The following CBFA2T3 variants were observed in gnomAD, a reference collection of about 807,000 sequenced individuals.
CBFA2T3 encodes transcriptional corepressor CBFA2T3.
In CBFA2T3, 31 loss-of-function variants were observed where a neutral mutation model predicts 58.6. The ratio of observed to expected loss-of-function variants is 0.53; its 90% CI spans 0.40 to 0.71. CBFA2T3 has a LOEUF of 0.71. Among genes scored for constraint, CBFA2T3 ranks in the 30% least tolerant of loss-of-function variants. CBFA2T3 has a pLI of 0.00. For missense variants in CBFA2T3, 1,076 were observed against 963.1 expected (o/e 1.12, Z -1.55); for synonymous variants, 531 against 421.9 (o/e 1.26, Z -3.17).
At chr16:88,930,213 G>A (rs1261494433) in intron 1 of CBFA2T3, among the ~76,000 whole-genome samples, 1 of 148,566 alleles carries the variant, frequency 6.7e-6, no homozygotes, top group Non-Finnish European at 1.5e-5. Flanking sequence ...CCACGCAAAA[G>A]TCACCAATAC....
intron 3 of CBFA2T3, among the ~76,000 whole-genome samples, chr16:88,893,670 TG>T (rs1475613983): frequency 6.6e-6 from 1 of 152,208 alleles, no homozygotes; most frequent in African/African-American, 2.4e-5. Context: ...GGCCGCCTGT[TG>T]GCCACTGAGA....
At chr16:88,910,814 G>C (rs1408450170) in intron 1 of CBFA2T3, among the ~76,000 whole-genome samples, 1 of 152,188 alleles carries the variant, frequency 6.6e-6, no homozygotes, top group African/African-American at 2.4e-5. Flanking sequence ...CTTCTTGGCA[G>C]GCTCTAGGAC....
rs563649076 is a variant in CBFA2T3 at position 88,906,083 on chromosome 16, C to T, written c.152-4427G>A. Among the ~76,000 whole-genome samples the T allele has an allele frequency of 3.6e-3, 552 of 152,188 alleles. 1 individual carries two copies. Among genetic ancestry groups the T allele is most frequent in the African/African-American group, 0.013 (528 of 41,508 alleles). On this transcript the variant is annotated intron_variant, in intron 1 of 11. Transcript: ENST00000268679. ...CGCAGCAGGGGGGTCCAGCACTCTC[C>T]GCCATCACTCGAAATGGTGGCTATT...
intron 2 of CBFA2T3, among the ~76,000 whole-genome samples, chr16:88,898,965 G>A (rs371099720): frequency 1.3e-5 from 2 of 152,284 alleles, no homozygotes; most frequent in Non-Finnish European, 2.9e-5. Flanking sequence ...TCTCTGTCAT[G>A]GGGGTAATCA....
intron 1 of CBFA2T3, among the ~76,000 whole-genome samples, chr16:88,902,168 C>T (rs1032918327): frequency 6.6e-6 from 1 of 152,240 alleles, no homozygotes; most frequent in Non-Finnish European, 1.5e-5. Context: ...GTCCCTTCCA[C>T]TTTCAGATGC....
intron 1 of CBFA2T3, among the ~76,000 whole-genome samples, chr16:88,922,740 G>A (rs1304838284): frequency 6.6e-6 from 1 of 152,216 alleles, no homozygotes; most frequent in Non-Finnish European, 1.5e-5. Flanking sequence ...GCCCCTTCCT[G>A]GAATCCCATC....
At position 88,899,123 on chromosome 16, in the gene CBFA2T3, A is replaced by G. The variant is rs567507439; in HGVS notation, c.305-971T>C. Among the ~76,000 whole-genome samples, 53 of 132,944 alleles carry G rather than the reference A, an allele frequency of 4.0e-4. 1 individual carries two copies. Among genetic ancestry groups the G allele is most frequent in the African/African-American group, 1.5e-3 (52 of 34,830 alleles). 87.2% of individuals were successfully genotyped at this position (132,944 alleles called of 152,430 possible). A position where few individuals can be genotyped will look rare whatever the true frequency, so the allele number is the denominator to read the frequency against. On this transcript the variant is annotated intron_variant, in intron 2 of 11. Coordinates refer to ENST00000268679, the MANE Select transcript of CBFA2T3 (RefSeq NM_005187.6). ...TCAACTCCAAGATGAATTTGCGCCC[A>G]GGGCTGTCACTGGGCAAGAGAAACT...
In CBFA2T3 at chr16:88,976,787, C is replaced by CATGGCTG. The variant is rs752309023; in HGVS notation, c.20_21insCAGCCAT (p.Arg7SerfsTer54). On this transcript the variant is annotated frameshift_variant, in exon 1 of 12. Coordinates refer to ENST00000268679, the MANE Select transcript of CBFA2T3 (RefSeq NM_005187.6). LOFTEE classifies it high-confidence loss of function. ...CCGAGGCTGAACTGGCTGCCCTGTC[C>CATGGCTG]CTCAGTCTTGAAGCCGGCATGAGGA... is the stretch of plus-strand genomic sequence containing the variant. The CATGGCTG allele has an allele frequency of 6.4e-7, 1 of 1,555,400 alleles. No homozygotes were observed. Among genetic ancestry groups the CATGGCTG allele is most frequent in the Non-Finnish European group, 8.7e-7 (1 of 1,149,134 alleles).
At chr16:88,887,911 T>A (rs1052459447) in intron 5 of CBFA2T3, among the ~76,000 whole-genome samples, 2 of 152,178 alleles carry the variant, frequency 1.3e-5, no homozygotes, top group Non-Finnish European at 2.9e-5. Flanking sequence ...CTAGTTGAGC[T>A]ACAAGGGCTT....
intron 10 of CBFA2T3, chr16:88,879,691 A>G (rs1968988516): frequency 7.8e-6 from 4 of 511,696 alleles, no homozygotes; most frequent in East Asian, 3.0e-5. Flanking sequence ...AGACAAGTGC[A>G]TGCAAATAAA....
At chr16:88,972,332 T>C (rs1414963926) in intron 1 of CBFA2T3, among the ~76,000 whole-genome samples, 2 of 151,984 alleles carry the variant, frequency 1.3e-5, no homozygotes, top group African/African-American at 2.4e-5. Flanking sequence ...GGTGGGGAGA[T>C]AGTTGGGGGG....
intron 1 of CBFA2T3, among the ~76,000 whole-genome samples, chr16:88,976,237 G>A (rs894181608): frequency 2.6e-5 from 4 of 152,170 alleles, no homozygotes; most frequent in African/African-American, 7.2e-5. Flanking sequence ...CTCCCCTCTG[G>A]CCTCAGTTTC....
At chr16:88,909,805 C>T (rs773462556) in intron 1 of CBFA2T3, among the ~76,000 whole-genome samples, 1 of 152,200 alleles carries the variant, frequency 6.6e-6, no homozygotes, top group Non-Finnish European at 1.5e-5. Flanking sequence ...TGGCCACGGC[C>T]GTGCAGTGAG....
chr16:88,887,401 G>A (rs896589436), intron 5 of CBFA2T3, among the ~76,000 whole-genome samples: 29 of 152,300 alleles, frequency 1.9e-4, no homozygotes, highest in African/African-American at 6.5e-4. Context: ...TTCGGGAACC[G>A]GCTGGTCGCT....
At chr16:88,966,667 T>G (rs892544321) in intron 1 of CBFA2T3, among the ~76,000 whole-genome samples, 1 of 151,248 alleles carries the variant, frequency 6.6e-6, no homozygotes, top group African/African-American at 2.4e-5. Context: ...TGGACACTCT[T>G]GACCTCCAGA....
chr16:88,930,035 C>A (rs1306804265), intron 1 of CBFA2T3, among the ~76,000 whole-genome samples: 2 of 129,208 alleles, frequency 1.5e-5, no homozygotes, highest in African/African-American at 6.4e-5. Flanking sequence ...ACGCAAAAGT[C>A]ACCAATACCC....
intron 1 of CBFA2T3, among the ~76,000 whole-genome samples, chr16:88,969,944 T>C (rs1278374230): frequency 6.6e-6 from 1 of 152,240 alleles, no homozygotes; most frequent in Non-Finnish European, 1.5e-5. Flanking sequence ...TGTTGGAGGC[T>C]TCTGCCATGT....
At chr16:88,880,222 GCCCAACCCTAACCCTAACCCTAAC>G (rs375880556) in intron 10 of CBFA2T3, among the ~76,000 whole-genome samples, 3,043 of 152,196 alleles carry the variant, frequency 0.02, 91 homozygotes, top group African/African-American at 0.067. Flanking sequence ...CGGTACCGCT[GCCCAACCCTAACCCTAACCCTAAC>G]CCCAACCCTA....
intron 1 of CBFA2T3, among the ~76,000 whole-genome samples, chr16:88,960,501 T>A (rs1000930141): frequency 6.6e-6 from 1 of 152,226 alleles, no homozygotes; most frequent in African/African-American, 2.4e-5. Flanking sequence ...TCATGGGGCA[T>A]AAACAGAAGT....
Sources: allele counts gnomAD v4.1 joint callset (sites outside exome capture counted in the v4.1 genomes callset), GRCh38; gene constraint gnomAD v4.1.1; transcripts MANE v1.5; gene names NCBI Gene and HGNC (gene_info 2026-07-23, HGNC 2026-07-21).